IQCK: variants seen among roughly 807,000 people sequenced by gnomAD.
IQCK encodes IQ motif containing K, also known as IQ domain-containing protein K.
In IQCK, 29 loss-of-function variants were observed where a neutral mutation model predicts 28.1. The ratio of observed to expected loss-of-function variants is 1.03; its 90% CI spans 0.77 to 1.41. The LOEUF (loss-of-function observed/expected upper bound fraction) is 1.41. IQCK is among the 40% of genes most tolerant of loss of function. The probability of loss-of-function intolerance (pLI) is 0.00; values close to 1 mark genes in which losing one functional copy is unlikely to be tolerated. For missense variants in IQCK, 359 were observed against 314.7 expected (o/e 1.14, Z -1.07); for synonymous variants, 113 against 115.1 (o/e 0.98, Z 0.12).
chr16:19,757,187 A>G (rs530348444), intron 4 of IQCK, among the ~76,000 whole-genome samples: 1 of 152,282 alleles, frequency 6.6e-6, no homozygotes, highest in African/African-American at 2.4e-5. Flanking sequence ...GCCACACTTC[A>G]GTCCCCTGAA....
intron 2 of IQCK, among the ~76,000 whole-genome samples, chr16:19,730,743 G>GTCTC (rs1567534014): frequency 5.1e-4 from 64 of 126,392 alleles, no homozygotes; most frequent in African/African-American, 3.0e-3. Context: ...CTGTCTGTCT[G>GTCTC]TCTATCTATC....
chr16:19,839,092 G>T (rs1277632044), intron 9 of IQCK, among the ~76,000 whole-genome samples: 1 of 151,196 alleles, frequency 6.6e-6, no homozygotes, highest in Non-Finnish European at 1.5e-5. Flanking sequence ...GTGTCTCAGA[G>T]GTTAAATCAT....
exon 1 of IQCK, chr16:19,718,438 G>T (rs779468957): frequency 6.2e-7 from 1 of 1,606,576 alleles, no homozygotes; most frequent in South Asian, 1.1e-5. Flanking sequence ...TCTCGTCGTG[G>T]CAGGTCACCG....
rs114064531 is a variant in IQCK at position 19,827,148 on chromosome 16, G to A, written c.813G>A (p.Leu271=). The A allele has an allele frequency of 3.7e-3, 5,750 of 1,542,846 alleles. 199 individuals are homozygous for A. In the African/African-American group the frequency reaches 0.07, roughly 19 times the overall value. The stretch of plus-strand genomic sequence containing the variant: ...AGCAAGAACAAAAAGGTAAGTTGCT[G>A]GATTCACTGTCCTTAGTTCATTCAA... Residue 271 remains leucine, a synonymous_variant, in exon 8 of 8, where the codon CTG becomes CTA. Coordinates refer to ENST00000564186, the Ensembl canonical transcript of IQCK.
intron 7 of IQCK, among the ~76,000 whole-genome samples, chr16:19,822,511 A>C (rs1260367938): frequency 1.3e-5 from 2 of 152,150 alleles, no homozygotes; most frequent in Non-Finnish European, 2.9e-5. Context: ...TGCAATGTGG[A>C]TAAACCTTAA....
At chr16:19,801,167 CTGTG>C (rs745425137) in intron 7 of IQCK, among the ~76,000 whole-genome samples, 1 of 135,524 alleles carries the variant, frequency 7.4e-6, no homozygotes, top group East Asian at 2.0e-4. Flanking sequence ...TGGGTTTGGG[CTGTG>C]TGTGTGTGTG....
At chr16:19,734,294 C>T (rs1052708538) in intron 3 of IQCK, among the ~76,000 whole-genome samples, 13 of 151,670 alleles carry the variant, frequency 8.6e-5, no homozygotes, top group African/African-American at 3.1e-4. Flanking sequence ...GTCAGGAATT[C>T]GATACCAGCC....
intron 9 of IQCK, among the ~76,000 whole-genome samples, chr16:19,841,110 T>A (rs2056358352): frequency 6.6e-6 from 1 of 152,210 alleles, no homozygotes; most frequent in Non-Finnish European, 1.5e-5. Context: ...ATTATCTTTT[T>A]AAAAATAATT....
chr16:19,724,822 G>A (rs910499731), intron 1 of IQCK, among the ~76,000 whole-genome samples: 1 of 152,066 alleles, frequency 6.6e-6, no homozygotes, highest in Admixed American at 6.6e-5. Flanking sequence ...GCGATCCACC[G>A]TGCCCGGCCA....
At chr16:19,769,466 G>A (rs2055288238) in intron 6 of IQCK, among the ~76,000 whole-genome samples, 1 of 152,212 alleles carries the variant, frequency 6.6e-6, no homozygotes, top group Non-Finnish European at 1.5e-5. Flanking sequence ...ATGGTGAGTA[G>A]TGGTTTATTG....
downstream of IQCK, among the ~76,000 whole-genome samples, chr16:19,829,514 T>C (rs1406682949): frequency 6.6e-6 from 1 of 151,996 alleles, no homozygotes; most frequent in East Asian, 1.9e-4. Flanking sequence ...TTTTCGTTTT[T>C]TTCGTAGAGA....
At chr16:19,721,618 C>G (rs1017641814) in intron 1 of IQCK, among the ~76,000 whole-genome samples, 3 of 148,472 alleles carry the variant, frequency 2.0e-5, no homozygotes, top group African/African-American at 7.5e-5. Context: ...TGAAGTCTGG[C>G]TCTGTCACCC....
In IQCK at chr16:19,783,469, C is replaced by T. The variant is rs186525228; in HGVS notation, c.606-5369C>T. On this transcript the variant is annotated intron_variant, in intron 6 of 7. Transcript: ENST00000564186. ...GCTTTGGGGATGTCTGATTTAAGCA[C>T]TTTAAGGCCTCAGCTGTCTCCTTCT... Among the ~76,000 whole-genome samples the T allele has an allele frequency of 3.7e-3, 561 of 152,290 alleles. 2 individuals are homozygous for T. Among genetic ancestry groups the T allele is most frequent in the African/African-American group, 0.013 (531 of 41,560 alleles).
downstream of IQCK, among the ~76,000 whole-genome samples, chr16:19,831,833 C>T (rs2056236499): frequency 6.6e-6 from 1 of 152,052 alleles, no homozygotes; most frequent in Non-Finnish European, 1.5e-5. Flanking sequence ...GTCACATCAG[C>T]TGTCGGGGTG....
exon 10 of IQCK, chr16:19,858,034 C>G (rs535925138): frequency 6.5e-6 from 1 of 153,996 alleles, no homozygotes; most frequent in African/African-American, 2.4e-5. Flanking sequence ...GCTCTCCTCC[C>G]GGGTCGTTTT....
At chr16:19,779,763 G>A (rs1381792056) in intron 6 of IQCK, among the ~76,000 whole-genome samples, 2 of 148,266 alleles carry the variant, frequency 1.3e-5, no homozygotes, top group Non-Finnish European at 3.0e-5. Flanking sequence ...TGTCGCCCAG[G>A]CTGGAGTGCA....
chr16:19,773,796 A>AT (rs1259816467), intron 6 of IQCK, among the ~76,000 whole-genome samples: 2 of 152,222 alleles, frequency 1.3e-5, no homozygotes, highest in African/African-American at 4.8e-5. Context: ...AAAAGCAAAA[A>AT]AACCAACATA....
intron 9 of IQCK, among the ~76,000 whole-genome samples, chr16:19,834,064 G>C (rs2056265341): frequency 6.6e-6 from 1 of 152,126 alleles, no homozygotes; most frequent in Non-Finnish European, 1.5e-5. Context: ...CACCAGCCTG[G>C]GTAATGAGCA....
At chr16:19,852,171 A>AT (rs1324144503) in intron 9 of IQCK, among the ~76,000 whole-genome samples, 1 of 152,150 alleles carries the variant, frequency 6.6e-6, no homozygotes, top group African/African-American at 2.4e-5. Context: ...ATTCTTTTCC[A>AT]TGCCTTTATT....
Sources: allele counts gnomAD v4.1 joint callset (sites outside exome capture counted in the v4.1 genomes callset), GRCh38; gene constraint gnomAD v4.1.1; transcripts MANE v1.5; gene names NCBI Gene and HGNC (gene_info 2026-07-23, HGNC 2026-07-21).